ARHGAP26: variants seen among roughly 807,000 people sequenced by gnomAD.
ARHGAP26 encodes rho GTPase-activating protein 26.
ARHGAP26 carries 38 observed loss-of-function variants against 104.8 expected under a neutral mutation model. The observed-to-expected ratio is 0.36, with a 90% CI of 0.28 to 0.48. The LOEUF (loss-of-function observed/expected upper bound fraction) is 0.48, where lower values mean the gene tolerates loss of function less well. Among genes scored for constraint, ARHGAP26 ranks in the 20% least tolerant of loss-of-function variants. ARHGAP26 has a pLI of 0.99. For synonymous variants in ARHGAP26, 341 were observed against 340.0 expected, an observed-to-expected ratio of 1.00 and a Z score of -0.03; for missense variants, 704 against 947.9, an observed-to-expected ratio of 0.74 and a Z score of 3.38.
At chr5:143,184,684 T>TA (rs1318195800) in intron 20 of ARHGAP26, among the ~76,000 whole-genome samples, 4 of 152,176 alleles carry the variant, frequency 2.6e-5, no homozygotes, top group African/African-American at 9.7e-5. Flanking sequence ...AGTCCCCTCT[T>TA]AGAGCTTTCA....
chr5:143,058,057 C>T, intron 17 of ARHGAP26: 2 of 565,076 alleles, frequency 3.5e-6, no homozygotes, highest in Non-Finnish European at 6.9e-6. Flanking sequence ...GGTCACCACA[C>T]AGAATTTTGT....
intron 1 of ARHGAP26, among the ~76,000 whole-genome samples, chr5:142,789,067 T>C (rs1238525619): frequency 6.6e-6 from 1 of 152,224 alleles, no homozygotes; most frequent in South Asian, 2.1e-4. Flanking sequence ...ACTATTGTTA[T>C]ACTGCTGACT....
At chr5:142,880,576 G>A (rs1474819342) in intron 4 of ARHGAP26, among the ~76,000 whole-genome samples, 1 of 152,024 alleles carries the variant, frequency 6.6e-6, no homozygotes, top group Admixed American at 6.5e-5. Context: ...GAGTGTTAGA[G>A]GCTACCTGCA....
chr5:142,815,972 T>A (rs1469660663), intron 1 of ARHGAP26, among the ~76,000 whole-genome samples: 2 of 146,624 alleles, frequency 1.4e-5, no homozygotes, highest in Non-Finnish European at 1.5e-5. Context: ...TTTTTTTTTT[T>A]AATTTTTGTA....
intron 1 of ARHGAP26, among the ~76,000 whole-genome samples, chr5:142,817,170 C>T (rs1765296261): frequency 6.6e-6 from 1 of 152,092 alleles, no homozygotes; most frequent in African/African-American, 2.4e-5. Flanking sequence ...TTAGTTCTCT[C>T]CCCAGTGCCA....
chr5:143,028,529 A>G (rs1367437924), intron 12 of ARHGAP26, among the ~76,000 whole-genome samples: 1 of 152,238 alleles, frequency 6.6e-6, no homozygotes, highest in African/African-American at 2.4e-5. Context: ...TCATTCAAAT[A>G]TTAGGATATA....
chr5:142,834,207 G>A (rs1413399604), intron 1 of ARHGAP26, among the ~76,000 whole-genome samples: 1 of 152,192 alleles, frequency 6.6e-6, no homozygotes, highest in African/African-American at 2.4e-5. Context: ...GCTCAGAAAT[G>A]CAGAGCTTGA....
At chr5:143,221,484 G>T (rs1220888791) in intron 22 of ARHGAP26, among the ~76,000 whole-genome samples, 2 of 151,064 alleles carry the variant, frequency 1.3e-5, no homozygotes, top group East Asian at 3.9e-4. Context: ...CAGGGGGTAA[G>T]GATTTGAAGG....
intron 11 of ARHGAP26, among the ~76,000 whole-genome samples, chr5:142,944,124 G>A (rs1766770797): frequency 6.6e-6 from 1 of 152,126 alleles, no homozygotes; most frequent in Admixed American, 6.5e-5. Context: ...TCTAATGTGA[G>A]GGAGAAGTCC....
chr5:143,147,356 G>T lies in ARHGAP26; in HGVS notation c.1963G>T (p.Val655Phe). 6.2e-7 allele frequency: 1 copy of T among 1,613,858 alleles called. No individual in the cohort carries two copies. Among genetic ancestry groups the T allele is most frequent in the Non-Finnish European group, 8.5e-7 (1 of 1,179,908 alleles). ...MNSSDPDLAV[V>F]KPTRPNSLPP... ...CTCCAGTGACCCAGACCTGGCTGTG[G>T]TCAAACCCACCCGGCCCAACTCACT... Residue 655 changes from valine (V) to phenylalanine (F), a missense_variant, in exon 20 of 23, where the codon GTC (valine) becomes TTC (phenylalanine). Around this residue, in one of 6 missense-constraint regions of ARHGAP26, gnomAD observed 217 missense variants for 242.6 expected, o/e 0.89. Coordinates refer to ENST00000645722, the MANE Select transcript of ARHGAP26 (RefSeq NM_001135608.3).
At chr5:143,174,915 AG>A (rs1001059104) in intron 20 of ARHGAP26, among the ~76,000 whole-genome samples, 29 of 152,224 alleles carry the variant, frequency 1.9e-4, no homozygotes, top group Non-Finnish European at 4.1e-4. Context: ...ACACATGGGC[AG>A]GTTCTTTGAT....
chr5:142,934,185 A>G (rs1342724696), intron 11 of ARHGAP26, among the ~76,000 whole-genome samples: 1 of 152,028 alleles, frequency 6.6e-6, no homozygotes, highest in African/African-American at 2.4e-5. Context: ...TCTCCCCACC[A>G]CTTAGATATT....
intron 17 of ARHGAP26, among the ~76,000 whole-genome samples, chr5:143,099,900 A>C (rs1331797439): frequency 6.6e-6 from 1 of 152,258 alleles, no homozygotes; most frequent in African/African-American, 2.4e-5. Flanking sequence ...ATTTGAAAGA[A>C]CCAACTAGAA....
intron 1 of ARHGAP26, among the ~76,000 whole-genome samples, chr5:142,799,719 A>C (rs1761686923): frequency 6.6e-6 from 1 of 152,182 alleles, no homozygotes; most frequent in African/African-American, 2.4e-5. Flanking sequence ...CAAAGAGAGG[A>C]TGAGAGAGGC....
At chr5:143,138,360 G>A (rs1798135620) in intron 19 of ARHGAP26, among the ~76,000 whole-genome samples, 2 of 152,174 alleles carry the variant, frequency 1.3e-5, no homozygotes, top group Admixed American at 1.3e-4. Flanking sequence ...AAACTTTGTG[G>A]ACAAGAGGAA....
chr5:143,038,834 T>TA (rs1417678289), intron 13 of ARHGAP26, among the ~76,000 whole-genome samples: 10 of 152,014 alleles, frequency 6.6e-5, no homozygotes. Flanking sequence ...TAGCTGGGAT[T>TA]ACGGGCACAC....
At chr5:142,835,902 C>T (rs34466756) in intron 1 of ARHGAP26, among the ~76,000 whole-genome samples, 1 of 152,160 alleles carries the variant, frequency 6.6e-6, no homozygotes, top group Non-Finnish European at 1.5e-5. Context: ...TCACAAAACC[C>T]TCTAAGATTA....
chr5:143,037,896 CAGGTAGAGAAA>C (rs1782886011), intron 13 of ARHGAP26, among the ~76,000 whole-genome samples: 1 of 152,178 alleles, frequency 6.6e-6, no homozygotes, highest in Non-Finnish European at 1.5e-5. Context: ...GGGGACCACC[CAGGTAGAGAAA>C]AGGGGTCAGG....
intron 20 of ARHGAP26, among the ~76,000 whole-genome samples, chr5:143,189,385 A>G (rs1326192978): frequency 6.7e-6 from 1 of 150,104 alleles, no homozygotes; most frequent in Non-Finnish European, 1.5e-5. Context: ...ATGTCACCCA[A>G]AAGAAGTTGC....
Sources: gnomAD v4.1 joint callset for allele counts (sites outside exome capture counted in the v4.1 genomes callset) on GRCh38, gnomAD v4.1.1 for gene constraint, gnomAD v4.1.1 regional missense constraint, MANE v1.5 for transcripts, NCBI Gene and HGNC (gene_info 2026-07-23, HGNC 2026-07-21) for gene names.